VWF: variants seen among roughly 807,000 people sequenced by gnomAD.
The protein encoded by VWF is von Willebrand factor.
A neutral mutation model predicts 308.6 loss-of-function variants in VWF; 176 were observed. The ratio of observed to expected loss-of-function variants is 0.57; its 90% CI spans 0.50 to 0.65. The LOEUF (loss-of-function observed/expected upper bound fraction) is 0.65. Ranked by LOEUF, VWF falls within the 30% of genes least tolerant of loss-of-function variation. VWF has a pLI of 0.00. For synonymous variants in VWF, 1,385 were observed against 1,443.4 expected (o/e 0.96, Z 0.92); for missense variants, 3,146 against 3,648.2 (o/e 0.86, Z 3.55).
At position 6,065,236 on chromosome 12, in the gene VWF, G is replaced by A; in HGVS notation, c.1194C>T (p.Ser398=). The A allele has an allele frequency of 6.2e-7, 1 of 1,614,174 alleles. No individual in the cohort carries two copies. The highest frequency in any genetic ancestry group is 8.5e-7 in the Non-Finnish European group (1 of 1,180,032). ...CLVTGQSHFK[S]FDNRYFTFSG... is the part of the protein sequence containing the mutation. Reference sequence around the variant, plus strand: ...TGAAGGTGAAGTATCTGTTGTCAAAGCTCTTGAAGTGTGATTGACCTGTGA... The same window carrying A: ...TGAAGGTGAAGTATCTGTTGTCAAAACTCTTGAAGTGTGATTGACCTGTGA... Residue 398 remains serine, a synonymous_variant, in exon 11 of 52, where the codon AGC becomes AGT. Coordinates refer to ENST00000261405, the MANE Select transcript of VWF (RefSeq NM_000552.5).
chr12:6,073,825 T>A (rs1389427748), intron 7 of VWF, 84 bp from the exon 8 acceptor site: 1 of 1,592,266 alleles, frequency 6.3e-7, no homozygotes, highest in Non-Finnish European at 8.5e-7. Flanking sequence ...CCTGAGCCTC[T>A]CGTGCCCACT....
chr12:5,953,627 T>C lies in VWF; in HGVS notation c.7888-33A>G, dbSNP rs1371971746. 2.5e-6 allele frequency: 4 copies of C among 1,568,848 alleles called. No individual in the cohort carries two copies. The East Asian group carries it at 9.0e-5, about 35-fold the overall frequency. On this transcript the variant is annotated intron_variant, in intron 47 of 51. Transcript: ENST00000261405. ...CAGAGGGGGAAAAAGCAGCCATAGTTAACCTCCTTAAAACATCCCAATTGT... is the reference window on the plus strand; with the variant it reads ...CAGAGGGGGAAAAAGCAGCCATAGTCAACCTCCTTAAAACATCCCAATTGT...
In VWF at chr12:6,121,210, C is replaced by A; in HGVS notation, c.184G>T (p.Ala62Ser). The change falls in exon 3 of 52, where the codon GCA (alanine) becomes TCA (serine). Residue 62 changes from alanine to serine, a missense_variant. By Grantham distance (99) the Ala-to-Ser change is moderately conservative. Coordinates refer to ENST00000261405, the MANE Select transcript of VWF (RefSeq NM_000552.5). ...SFAGYCSYLL[A>S]GGCQKRSFSI... Reference sequence around the variant, plus strand: ...AAGGAGCGTTTCTGGCAGCCCCCTGCCAGGAGGTAACTGCAGTATCCCGCA... The same window carrying A: ...AAGGAGCGTTTCTGGCAGCCCCCTGACAGGAGGTAACTGCAGTATCCCGCA... The A allele has an allele frequency of 6.2e-7, 1 of 1,614,178 alleles. No homozygotes were observed. The highest frequency in any genetic ancestry group is 2.2e-5 in the East Asian group (1 of 44,884).
chr12:6,033,211 A>G (rs997940853), intron 20 of VWF, among the ~76,000 whole-genome samples: 3 of 152,208 alleles, frequency 2.0e-5, no homozygotes, highest in Non-Finnish European at 4.4e-5. Flanking sequence ...ATTTGTCCTT[A>G]TCTTCAGCTG....
At chr12:6,057,096 T>A (rs547041726) in intron 14 of VWF, 24 bp from the exon 15 acceptor site, 1 of 1,522,848 alleles carries the variant, frequency 6.6e-7, no homozygotes, top group South Asian at 1.2e-5. Context: ...GGAGCGAGCC[T>A]GGGATGTGGT....
chr12:5,964,254 A>ACATACATG lies in VWF; in HGVS notation c.7887+3231_7887+3232insCATGTATG, dbSNP rs1555189801. ...TACATACATACATACATACATGCAT[A>ACATACATG]CATACATACATACATACATGCATAC... is the stretch of plus-strand genomic sequence containing the variant. On this transcript the variant is annotated intron_variant, in intron 47 of 51. Coordinates refer to ENST00000261405, the MANE Select transcript of VWF (RefSeq NM_000552.5). Among the ~76,000 whole-genome samples, 547 of 130,014 alleles carry ACATACATG rather than the reference A, an allele frequency of 4.2e-3. 7 individuals carry two copies. Among genetic ancestry groups the ACATACATG allele is most frequent in the African/African-American group, 0.016 (526 of 32,770 alleles). The allele number at this position is 130,014 out of a possible 152,430, so 85.3% of individuals were successfully genotyped here. A position where few individuals can be genotyped will look rare whatever the true frequency, so the allele number is the denominator to read the frequency against.
intron 6 of VWF, among the ~76,000 whole-genome samples, chr12:6,088,900 G>A (rs1454898473): frequency 6.6e-6 from 1 of 152,222 alleles, no homozygotes; most frequent in East Asian, 1.9e-4. Flanking sequence ...GCATAACAAG[G>A]AAACATTCAT....
chr12:6,052,504 G>A (rs1367075653), intron 16 of VWF, 39 bp downstream of exon 16: 8 of 1,613,910 alleles, frequency 5.0e-6, no homozygotes, highest in Non-Finnish European at 6.8e-6. Context: ...CCCCAGCTCT[G>A]CTGTTTTAGA....
rs201435268 is a variant in VWF at position 6,044,375 on chromosome 12, G to C, written c.2358C>G (p.Leu786=). 17 of 1,614,182 alleles carry C rather than the reference G, an allele frequency of 1.1e-5. No homozygotes were observed. In the East Asian group the frequency reaches 1.3e-4, roughly 13 times the overall value. The change falls in exon 18 of 52, where the codon CTC becomes CTG. Residue 786 remains leucine (L), a synonymous_variant. Transcript: ENST00000261405. ...AGTTCTGGCACGTTTTGGTACACTC[G>C]AGCCCTTCAGCCCGCAGGTTGTCAG... The part of the protein sequence containing the change: ...CPADNLRAEG[L]ECTKTCQNYD...
rs1411302573 is a variant in VWF, at chr12:6,019,815, C to T, written c.3675-72G>A. The T allele has an allele frequency of 2.1e-5, 32 of 1,490,928 alleles. No individual in the cohort carries two copies. Among genetic ancestry groups the T allele is most frequent in the African/African-American group, 1.1e-4 (8 of 72,270 alleles). 92.4% of individuals were successfully genotyped at this position (1,490,928 alleles called of 1,614,324 possible). Reference sequence around the variant, plus strand: ...GGACACTTCTGAGCCCTACAGTGTACAATGACTTCCATATTCCCACAGAAT... The same window carrying T: ...GGACACTTCTGAGCCCTACAGTGTATAATGACTTCCATATTCCCACAGAAT... On this transcript the variant is annotated intron_variant, in intron 27 of 51. Transcript: ENST00000261405. The surrounding 1 kb of genome is among the most constrained non-coding windows in gnomAD (Gnocchi z 5.8).
chr12:6,068,115 A>G (rs1397749306), intron 10 of VWF, among the ~76,000 whole-genome samples: 1 of 147,948 alleles, frequency 6.8e-6, no homozygotes, highest in African/African-American at 2.5e-5. Context: ...AGCCTGGGCG[A>G]CTGAGTGAAA....
At chr12:5,959,617 A>T (rs1400075896) in intron 47 of VWF, among the ~76,000 whole-genome samples, 1 of 152,188 alleles carries the variant, frequency 6.6e-6, no homozygotes, top group African/African-American at 2.4e-5. Flanking sequence ...TAAAAAAGTA[A>T]ATAAATGTCA....
intron 34 of VWF, among the ~76,000 whole-genome samples, chr12:6,007,939 A>G (rs1325742871): frequency 6.6e-6 from 1 of 152,162 alleles, no homozygotes; most frequent in Non-Finnish European, 1.5e-5. Flanking sequence ...CAAATTGGAT[A>G]ACCTAAAGAA....
chr12:6,111,043 T>C (rs1945303128), intron 3 of VWF, 75 bp from the exon 4 acceptor site: 1 of 1,367,242 alleles, frequency 7.3e-7, no homozygotes, highest in African/African-American at 1.4e-5. Context: ...AGAATCATTA[T>C]CTACGTAACC....
intron 49 of VWF, 106 bp downstream of exon 49, chr12:5,952,285 G>A: frequency 6.8e-7 from 1 of 1,476,850 alleles, no homozygotes; most frequent in Non-Finnish European, 9.4e-7. Flanking sequence ...CCAGAGATGT[G>A]CCTCAGACAC....
chr12:5,960,273 C>T (rs529497680), intron 47 of VWF, among the ~76,000 whole-genome samples: 26 of 151,898 alleles, frequency 1.7e-4, no homozygotes, highest in East Asian at 5.8e-4. Flanking sequence ...CTTAAATACA[C>T]GGATAAGTTC....
chr12:6,011,953 T>A (rs1944000426), intron 33 of VWF, 134 bp downstream of exon 33: 10 of 1,311,294 alleles, frequency 7.6e-6, no homozygotes, highest in Non-Finnish European at 1.1e-5. Context: ...GATGTACAGA[T>A]GGACCCGCAA....
intron 6 of VWF, among the ~76,000 whole-genome samples, chr12:6,077,070 G>A (rs1944852705): frequency 6.6e-6 from 1 of 152,212 alleles, no homozygotes; most frequent in Non-Finnish European, 1.5e-5. Flanking sequence ...AGCACTTTGG[G>A]AGGCCAAGTC....
At chr12:6,041,394 C>T (rs1161344254) in intron 18 of VWF, among the ~76,000 whole-genome samples, 2 of 151,578 alleles carry the variant, frequency 1.3e-5, no homozygotes, top group Non-Finnish European at 2.9e-5. Flanking sequence ...CATGCCACTG[C>T]ACTGCAGCCT....
Sources: allele counts gnomAD v4.1 joint callset (sites outside exome capture counted in the v4.1 genomes callset), GRCh38; gene constraint gnomAD v4.1.1; non-coding constraint Gnocchi (gnomAD v3.1); transcripts MANE v1.5; gene names NCBI Gene and HGNC (gene_info 2026-07-23, HGNC 2026-07-21).